Variants in SLC38A8 observed in about 807,000 individuals in gnomAD.
The protein encoded by SLC38A8 is amino acid transporter SLC38A8.
Under a neutral mutation model 46.0 loss-of-function variants are expected in SLC38A8, and 65 were observed. That is an observed-to-expected ratio of 1.41 (90% CI 1.16 to 1.74). The LOEUF (loss-of-function observed/expected upper bound fraction) is 1.74. SLC38A8 is among the 40% of genes most tolerant of loss of function. The pLI is 0.00. For missense variants in SLC38A8, 998 were observed against 567.9 expected (o/e 1.76, Z -7.70); for synonymous variants, 447 against 243.7 (o/e 1.83, Z -7.77).
chr16:84,023,517 C>T (rs78756586), intron 6 of SLC38A8, among the ~76,000 whole-genome samples: 3,720 of 152,206 alleles, frequency 0.024, 105 homozygotes, highest in African/African-American at 0.072. Flanking sequence ...AGGATACTAA[C>T]ACACAGAGCA....
chr16:84,027,148 G>A (rs985159367), intron 6 of SLC38A8, among the ~76,000 whole-genome samples: 1 of 152,076 alleles, frequency 6.6e-6, no homozygotes, highest in Non-Finnish European at 1.5e-5. Flanking sequence ...TTAAGAGATC[G>A]AGACCAGCCT....
intron 6 of SLC38A8, 26 bp from the exon 7 acceptor site, chr16:84,022,915 G>C: frequency 6.5e-7 from 1 of 1,528,066 alleles, no homozygotes; most frequent in Non-Finnish European, 8.8e-7. Flanking sequence ...CGGCTCAGCA[G>C]GATGCTGGCT....
intron 2 of SLC38A8, chr16:84,041,486 T>A (rs2085366557): frequency 6.5e-6 from 1 of 152,690 alleles, no homozygotes; most frequent in African/African-American, 2.4e-5. Flanking sequence ...CTAATTTTTG[T>A]ATTTCCAGTA....
At chr16:84,032,245 G>C (rs1381007169) in intron 4 of SLC38A8, among the ~76,000 whole-genome samples, 2 of 152,200 alleles carry the variant, frequency 1.3e-5, no homozygotes, top group Admixed American at 6.5e-5. Context: ...CTGGAGTGCA[G>C]TGGCGCAATC....
At chr16:84,036,532 T>G (rs1167217621) in intron 3 of SLC38A8, among the ~76,000 whole-genome samples, 170 bp downstream of exon 3, 1 of 152,240 alleles carries the variant, frequency 6.6e-6, no homozygotes, top group African/African-American at 2.4e-5. Context: ...CTGGTGACTA[T>G]CCATTCGGAG....
chr16:84,036,252 G>A (rs890611555), intron 3 of SLC38A8, among the ~76,000 whole-genome samples: 7 of 152,260 alleles, frequency 4.6e-5, no homozygotes, highest in Non-Finnish European at 8.8e-5. Context: ...TGAGTCCAGT[G>A]AAAATGAAAA....
chr16:84,028,732 G>C (rs1464001379), intron 6 of SLC38A8, among the ~76,000 whole-genome samples: 3 of 139,802 alleles, frequency 2.1e-5, no homozygotes, highest in Non-Finnish European at 4.6e-5. Context: ...GTGCCACAGA[G>C]CCCTCTGCAG....
chr16:84,031,105 A>C (rs143957446), intron 5 of SLC38A8, among the ~76,000 whole-genome samples: 1 of 152,054 alleles, frequency 6.6e-6, no homozygotes, highest in African/African-American at 2.4e-5. Flanking sequence ...CAGTGGTATC[A>C]TCTCGGCTCA....
chr16:84,033,258 A>C, intron 4 of SLC38A8, 70 bp downstream of exon 4: 1 of 1,603,964 alleles, frequency 6.2e-7, no homozygotes, highest in African/African-American at 1.3e-5. Context: ...CTGACCCCAG[A>C]TGGACAGAAA....
intron 6 of SLC38A8, among the ~76,000 whole-genome samples, chr16:84,025,445 T>A (rs531614426): frequency 1.4e-4 from 22 of 152,278 alleles, no homozygotes; most frequent in African/African-American, 4.1e-4. Context: ...GTTTCCTCTC[T>A]CACACAGCCC....
intron 9 of SLC38A8, 124 bp downstream of exon 9, chr16:84,016,395 G>C: frequency 9.2e-7 from 1 of 1,087,504 alleles, no homozygotes; most frequent in Non-Finnish European, 1.3e-6. Flanking sequence ...ACCTACATGG[G>C]GTCTTAATCC....
intron 3 of SLC38A8, among the ~76,000 whole-genome samples, chr16:84,034,095 C>T (rs990424585): frequency 6.6e-6 from 1 of 152,182 alleles, no homozygotes; most frequent in Admixed American, 6.5e-5. Context: ...CCCCACAACA[C>T]CTACTGCCTG....
At chr16:84,013,242 G>A (rs1185377504) in intron 9 of SLC38A8, among the ~76,000 whole-genome samples, 190 bp from the exon 10 acceptor site, 1 of 152,076 alleles carries the variant, frequency 6.6e-6, no homozygotes, top group Non-Finnish European at 1.5e-5. Context: ...AGCTCAACAT[G>A]CCCTAATGAC....
At chr16:84,037,349 C>T (rs879930685) in intron 2 of SLC38A8, among the ~76,000 whole-genome samples, 4 of 152,182 alleles carry the variant, frequency 2.6e-5, no homozygotes, top group Non-Finnish European at 4.4e-5. Flanking sequence ...GGATGGCAAC[C>T]TCTGCTTTTC....
At chr16:84,035,951 T>C (rs1167478884) in intron 3 of SLC38A8, among the ~76,000 whole-genome samples, 2 of 152,206 alleles carry the variant, frequency 1.3e-5, no homozygotes, top group East Asian at 1.9e-4. Context: ...CTAATGGACA[T>C]TGCCAGCACA....
chr16:84,032,176 TGTTGTTGTTTTGTTGTTG>T (rs2085248516), intron 4 of SLC38A8, among the ~76,000 whole-genome samples: 4 of 85,198 alleles, frequency 4.7e-5, no homozygotes, highest in Admixed American at 1.4e-4. Context: ...AGAGTTTTGT[TGTTGTTGTTTTGTTGTTG>T]TTGTTGTTTT....
intron 6 of SLC38A8, among the ~76,000 whole-genome samples, chr16:84,023,549 C>A (rs145652135): frequency 5.1e-4 from 77 of 152,036 alleles, no homozygotes; most frequent in African/African-American, 1.8e-3. Context: ...TGACAAAGAA[C>A]CATGCACCTC....
Position 84,027,596 on chromosome 16 carries a change from C to T in SLC38A8, c.690+1898G>A, listed in dbSNP as rs796901852. On this transcript the variant is annotated intron_variant, in intron 6 of 10. Coordinates refer to ENST00000299709, the MANE Select transcript of SLC38A8 (RefSeq NM_001080442.3). Reference sequence around the variant, plus strand: ...TTTCCTGCAGCCCTCTCCAGCCTTACCCCCTTTTCCCAGCACCTTCAGTTA... The same window carrying T: ...TTTCCTGCAGCCCTCTCCAGCCTTATCCCCTTTTCCCAGCACCTTCAGTTA... Among the ~76,000 whole-genome samples, 9 of 152,128 alleles carry T rather than the reference C, an allele frequency of 5.9e-5. No homozygotes were observed. The South Asian group carries it at 6.2e-4, about 10-fold the overall frequency.
At chr16:84,011,853 C>T (rs1374815744) in intron 10 of SLC38A8, among the ~76,000 whole-genome samples, 4 of 152,128 alleles carry the variant, frequency 2.6e-5, no homozygotes, top group Admixed American at 6.5e-5. Flanking sequence ...CACTGCACTC[C>T]AGCCGGAGCA....
Sources: allele counts gnomAD v4.1 joint callset (sites outside exome capture counted in the v4.1 genomes callset), GRCh38; gene constraint gnomAD v4.1.1; transcripts MANE v1.5; gene names NCBI Gene and HGNC (gene_info 2026-07-23, HGNC 2026-07-21).